EMCN: variants seen among roughly 807,000 people sequenced by gnomAD.
EMCN encodes the protein endomucin.
Under a neutral mutation model 38.4 loss-of-function variants are expected in EMCN, and 37 were observed. The ratio of observed to expected loss-of-function variants is 0.96; its 90% CI spans 0.74 to 1.27. EMCN has a LOEUF of 1.27. EMCN is among the 50% of genes most tolerant of loss of function. The pLI, the probability that EMCN is intolerant of heterozygous loss-of-function variation, is 0.00. For missense variants in EMCN, 318 were observed against 302.8 expected, an observed-to-expected ratio of 1.05 and a Z score of -0.37; for synonymous variants, 95 against 100.8, an observed-to-expected ratio of 0.94 and a Z score of 0.35.
chr4:100,485,588 T>G (rs963101448), intron 1 of EMCN, among the ~76,000 whole-genome samples: 4 of 151,330 alleles, frequency 2.6e-5, no homozygotes, highest in Non-Finnish European at 5.9e-5. Flanking sequence ...ATTAAAGAGA[T>G]ATATAAAATA....
At chr4:100,422,619 T>C (rs1726918689) in intron 7 of EMCN, among the ~76,000 whole-genome samples, 1 of 151,812 alleles carries the variant, frequency 6.6e-6, no homozygotes, top group Non-Finnish European at 1.5e-5. Context: ...AAAAATAAAA[T>C]ATATTCAGGG....
At chr4:100,489,378 C>CACAATGATGGTAGTAATTTAGAT (rs1242160941) in intron 1 of EMCN, among the ~76,000 whole-genome samples, 1 of 152,044 alleles carries the variant, frequency 6.6e-6, no homozygotes, top group Non-Finnish European at 1.5e-5. Context: ...TTTGAGGAAC[C>CACAATGATGGTAGTAATTTAGAT]TCCATACAGT....
chr4:100,402,355 T>G (rs1726282152), intron 11 of EMCN, among the ~76,000 whole-genome samples: 1 of 152,198 alleles, frequency 6.6e-6, no homozygotes, highest in African/African-American at 2.4e-5. Context: ...TATTACTGTT[T>G]GCTGTTTCAT....
At chr4:100,405,547 C>A (rs992892641) in intron 11 of EMCN, among the ~76,000 whole-genome samples, 1 of 152,062 alleles carries the variant, frequency 6.6e-6, no homozygotes, top group Non-Finnish European at 1.5e-5. Context: ...GTTGAATCAA[C>A]CTTGCATCTC....
intron 1 of EMCN, among the ~76,000 whole-genome samples, chr4:100,500,458 A>C (rs2110300148): frequency 6.6e-6 from 1 of 152,286 alleles, no homozygotes; most frequent in South Asian, 2.1e-4. Flanking sequence ...AAAAAATAGA[A>C]TATTACCAGC....
chr4:100,434,950 C>T (rs1279904446), intron 5 of EMCN, among the ~76,000 whole-genome samples: 2 of 152,122 alleles, frequency 1.3e-5, no homozygotes. Context: ...GAAGCATTCC[C>T]CTTGAAAACC....
intron 4 of EMCN, among the ~76,000 whole-genome samples, chr4:100,454,272 A>C (rs1006386353): frequency 6.6e-6 from 1 of 151,224 alleles, no homozygotes; most frequent in African/African-American, 2.4e-5. Flanking sequence ...GAAGAGAAAA[A>C]GATTTGAAGT....
rs181661554 is a variant in EMCN at position 100,478,802 on chromosome 4, A to C, written c.187+1115T>G. ...ATAACTACTGAAGGACACAGACAACAGTGTAGTTTATATTAAATGGGTAAT... is the reference window on the plus strand; with the variant it reads ...ATAACTACTGAAGGACACAGACAACCGTGTAGTTTATATTAAATGGGTAAT... On this transcript the variant is annotated intron_variant, in intron 2 of 11. Coordinates refer to ENST00000296420, the MANE Select transcript of EMCN (RefSeq NM_016242.4). 1.4e-3 allele frequency among the ~76,000 whole-genome samples: 206 copies of C among 152,236 alleles called. 1 individual carries two copies. Among genetic ancestry groups the C allele is most frequent in the African/African-American group, 4.6e-3 (192 of 41,546 alleles).
chr4:100,427,285 T>C (rs1727075395), intron 5 of EMCN, among the ~76,000 whole-genome samples: 2 of 152,066 alleles, frequency 1.3e-5, no homozygotes, highest in African/African-American at 4.8e-5. Flanking sequence ...TTTCTTTTTA[T>C]ATTGAGAACA....
intron 5 of EMCN, among the ~76,000 whole-genome samples, chr4:100,429,924 C>A (rs1232017966): frequency 6.6e-6 from 1 of 151,980 alleles, no homozygotes; most frequent in African/African-American, 2.4e-5. Flanking sequence ...GACTCAAAAC[C>A]CTTTCTGTTT....
chr4:100,490,667 G>C (rs780282636), intron 1 of EMCN, among the ~76,000 whole-genome samples: 4 of 152,130 alleles, frequency 2.6e-5, no homozygotes, highest in Admixed American at 2.0e-4. Context: ...AAGAGCAAGA[G>C]GTTATACCAT....
intron 1 of EMCN, among the ~76,000 whole-genome samples, chr4:100,487,572 G>A (rs995930927): frequency 2.0e-5 from 3 of 152,186 alleles, no homozygotes; most frequent in Non-Finnish European, 2.9e-5. Context: ...TAATCCCCAT[G>A]TGTCAAGGGA....
At chr4:100,475,533 A>G (rs778081532) in intron 2 of EMCN, among the ~76,000 whole-genome samples, 45 of 151,436 alleles carry the variant, frequency 3.0e-4, no homozygotes, top group Non-Finnish European at 6.0e-4. Flanking sequence ...ATTTCATTTT[A>G]TTGATGTAGT....
intron 1 of EMCN, among the ~76,000 whole-genome samples, chr4:100,515,131 C>T (rs1355727507): frequency 6.6e-6 from 1 of 152,064 alleles, no homozygotes; most frequent in South Asian, 2.1e-4. Flanking sequence ...CTGAGAATGC[C>T]TACAACATTT....
chr4:100,477,389 T>G (rs555457694), intron 2 of EMCN, among the ~76,000 whole-genome samples: 52 of 152,246 alleles, frequency 3.4e-4, no homozygotes, highest in Non-Finnish European at 5.3e-4. Context: ...GCATTGCACT[T>G]GATGTACATC....
At chr4:100,453,707 A>G (rs1366904232) in intron 4 of EMCN, among the ~76,000 whole-genome samples, 2 of 152,130 alleles carry the variant, frequency 1.3e-5, no homozygotes, top group African/African-American at 2.4e-5. Context: ...ATGCTGCTAT[A>G]AAGACACATG....
chr4:100,423,826 T>G (rs1726968719), intron 5 of EMCN, among the ~76,000 whole-genome samples: 1 of 152,096 alleles, frequency 6.6e-6, no homozygotes, highest in Non-Finnish European at 1.5e-5. Flanking sequence ...ACGTCAGATT[T>G]TATGTATTTA....
intron 1 of EMCN, among the ~76,000 whole-genome samples, chr4:100,496,364 C>T (rs1287942069): frequency 6.6e-6 from 1 of 152,132 alleles, no homozygotes; most frequent in Non-Finnish European, 1.5e-5. Flanking sequence ...GAAAAAAATG[C>T]TGGCAAAAGG....
At chr4:100,411,084 C>T (rs541619530) in intron 10 of EMCN, among the ~76,000 whole-genome samples, 1 of 152,224 alleles carries the variant, frequency 6.6e-6, no homozygotes, top group Non-Finnish European at 1.5e-5. Context: ...CATTTTGCTC[C>T]AGCTTTTATC....
Sources: allele counts gnomAD v4.1 joint callset (sites outside exome capture counted in the v4.1 genomes callset), GRCh38; gene constraint gnomAD v4.1.1; transcripts MANE v1.5; gene names NCBI Gene and HGNC (gene_info 2026-07-23, HGNC 2026-07-21).